Variants in LRRTM4 observed in about 807,000 individuals in gnomAD.
LRRTM4 encodes the protein leucine rich repeat transmembrane neuronal 4.
In LRRTM4, 25 loss-of-function variants were observed where a neutral mutation model predicts 47.6. The ratio of observed to expected loss-of-function variants is 0.53; its 90% CI spans 0.38 to 0.73. The LOEUF is 0.73. Among genes scored for constraint, LRRTM4 ranks in the 30% least tolerant of loss-of-function variants. The pLI is 0.00. For synonymous variants in LRRTM4, 311 were observed against 269.5 expected, an observed-to-expected ratio of 1.15 and a Z score of -1.51; for missense variants, 638 against 713.4, an observed-to-expected ratio of 0.89 and a Z score of 1.20.
chr2:76,776,342 C>A (rs1216285632), intron 3 of LRRTM4, among the ~76,000 whole-genome samples: 1 of 152,138 alleles, frequency 6.6e-6, no homozygotes, highest in Non-Finnish European at 1.5e-5. Context: ...CACTGACTTC[C>A]ACAATGGTTG....
At chr2:76,990,750 AAACT>A (rs200508025) in intron 3 of LRRTM4, among the ~76,000 whole-genome samples, 2,134 of 151,842 alleles carry the variant, frequency 0.014, 40 homozygotes, top group African/African-American at 0.044. Flanking sequence ...TTGAGGCAGA[AAACT>A]AACTAAGAAA....
intron 3 of LRRTM4, among the ~76,000 whole-genome samples, chr2:76,898,123 T>C (rs1002148775): frequency 2.6e-5 from 4 of 152,188 alleles, no homozygotes; most frequent in Non-Finnish European, 5.9e-5. Context: ...TATACACATC[T>C]TGTTATACCC....
intron 3 of LRRTM4, among the ~76,000 whole-genome samples, chr2:77,171,126 G>C (rs1433985216): frequency 1.3e-5 from 2 of 151,916 alleles, no homozygotes; most frequent in East Asian, 3.9e-4. Flanking sequence ...AGCTTAATGA[G>C]GAAATAAGTT....
chr2:77,169,891 T>C (rs1303154846), intron 3 of LRRTM4, among the ~76,000 whole-genome samples: 1 of 152,188 alleles, frequency 6.6e-6, no homozygotes, highest in Non-Finnish European at 1.5e-5. Context: ...TGTGTAAAGT[T>C]TTTTTAGGTC....
At chr2:77,033,427 GTTT>G (rs777468664) in intron 3 of LRRTM4, among the ~76,000 whole-genome samples, 2 of 143,092 alleles carry the variant, frequency 1.4e-5, no homozygotes. Flanking sequence ...TAAATGCATA[GTTT>G]TTTTTACTCT....
intron 3 of LRRTM4, among the ~76,000 whole-genome samples, chr2:76,998,857 T>C (rs1486436352): frequency 6.6e-6 from 1 of 151,062 alleles, no homozygotes; most frequent in African/African-American, 2.4e-5. Flanking sequence ...TTATGACTCA[T>C]CCCAAACACT....
intron 3 of LRRTM4, among the ~76,000 whole-genome samples, chr2:76,999,558 CAG>C (rs1053620139): frequency 1.3e-5 from 2 of 151,966 alleles, no homozygotes; most frequent in Admixed American, 6.6e-5. Flanking sequence ...CGGGCCAAAA[CAG>C]AGATACTCCA....
intron 3 of LRRTM4, among the ~76,000 whole-genome samples, chr2:76,805,491 G>T (rs1675921489): frequency 6.6e-6 from 1 of 152,144 alleles, no homozygotes; most frequent in African/African-American, 2.4e-5. Flanking sequence ...TAGTGACAAA[G>T]AGTTAGTACA....
At chr2:77,153,261 A>G (rs1164602126) in intron 3 of LRRTM4, among the ~76,000 whole-genome samples, 3 of 152,148 alleles carry the variant, frequency 2.0e-5, no homozygotes, top group African/African-American at 7.2e-5. Context: ...TGTGTGCTGC[A>G]ACTGTGTTGT....
At chr2:76,812,051 A>C (rs975640303) in intron 3 of LRRTM4, among the ~76,000 whole-genome samples, 1 of 152,204 alleles carries the variant, frequency 6.6e-6, no homozygotes, top group Admixed American at 6.5e-5. Flanking sequence ...TGGAGCAATA[A>C]AACATTAAAA....
At position 76,955,344 on chromosome 2, in the gene LRRTM4, A is replaced by G. The variant is rs535368765; in HGVS notation, c.1552-206428T>C. On this transcript the variant is annotated intron_variant, in intron 3 of 3. Coordinates refer to ENST00000409884, the MANE Select transcript of LRRTM4 (RefSeq NM_001134745.3). ...AATGTAAAAAAGTCCGTTGGGAGAA[A>G]AAAAGTGTAGTGTTTTTGTATGTGA... Among the ~76,000 whole-genome samples, 3 of 151,880 alleles carry G rather than the reference A, an allele frequency of 2.0e-5. No individual in the cohort carries two copies. In the South Asian group the frequency reaches 6.2e-4, roughly 32 times the overall value.
At chr2:76,884,024 T>G (rs1358338283) in intron 3 of LRRTM4, among the ~76,000 whole-genome samples, 1 of 151,716 alleles carries the variant, frequency 6.6e-6, no homozygotes, top group Non-Finnish European at 1.5e-5. Context: ...CTCGCTATGT[T>G]GTTCAGGCTG....
intron 3 of LRRTM4, among the ~76,000 whole-genome samples, chr2:77,181,979 T>G (rs187380894): frequency 5.9e-5 from 9 of 152,244 alleles, no homozygotes; most frequent in East Asian, 3.9e-4. Context: ...GGTGGCAATG[T>G]AAATTAGTTC....
intron 3 of LRRTM4, among the ~76,000 whole-genome samples, chr2:77,063,159 C>T (rs896343206): frequency 6.6e-6 from 1 of 151,856 alleles, no homozygotes; most frequent in African/African-American, 2.4e-5. Context: ...AGGGTTTCAC[C>T]ATATTGGCCA....
At position 76,796,399 on chromosome 2, in the gene LRRTM4, G is replaced by A. The variant is rs1335833001; in HGVS notation, c.1552-47483C>T. 2.3e-5 allele frequency among the ~76,000 whole-genome samples: 3 copies of A among 131,584 alleles called. 1 individual carries two copies. The highest frequency in any genetic ancestry group is 4.8e-5 in the Non-Finnish European group (3 of 62,014). 86.3% of individuals were successfully genotyped at this position (131,584 alleles called of 152,430 possible). A position where few individuals can be genotyped will look rare whatever the true frequency, so the allele number is the denominator to read the frequency against. On this transcript the variant is annotated intron_variant, in intron 3 of 3. Coordinates refer to ENST00000409884, the MANE Select transcript of LRRTM4 (RefSeq NM_001134745.3). ...AAACAAAAAGACAGCAGTAACCTCT[G>A]CAGACTTAAATGTCCCTGTCTGACA...
chr2:76,827,487 A>T (rs2103881685), intron 3 of LRRTM4, among the ~76,000 whole-genome samples: 1 of 151,968 alleles, frequency 6.6e-6, no homozygotes, highest in East Asian at 1.9e-4. Context: ...TGCAACTCAG[A>T]TTTAATCTGA....
chr2:77,026,438 G>A (rs1314777681), intron 3 of LRRTM4, among the ~76,000 whole-genome samples: 2 of 152,076 alleles, frequency 1.3e-5, no homozygotes, highest in Non-Finnish European at 2.9e-5. Flanking sequence ...GAATGATCAT[G>A]GGAGTGGTTG....
intron 3 of LRRTM4, among the ~76,000 whole-genome samples, chr2:76,816,495 A>G (rs887024465): frequency 1.3e-5 from 2 of 152,110 alleles, no homozygotes; most frequent in Non-Finnish European, 2.9e-5. Context: ...ATTCACACCT[A>G]TCATTTATGA....
At chr2:77,205,842 C>G (rs556231291) in intron 3 of LRRTM4, among the ~76,000 whole-genome samples, 1 of 152,024 alleles carries the variant, frequency 6.6e-6, no homozygotes, top group Non-Finnish European at 1.5e-5. Flanking sequence ...GATTGTGTCT[C>G]TTTTTGTTTT....
Sources: gnomAD v4.1 joint callset for allele counts (sites outside exome capture counted in the v4.1 genomes callset) on GRCh38, gnomAD v4.1.1 for gene constraint, MANE v1.5 for transcripts, NCBI Gene and HGNC (gene_info 2026-07-23, HGNC 2026-07-21) for gene names.